Variants in CADM2 observed in about 807,000 individuals in gnomAD.
CADM2 encodes the protein cell adhesion molecule 2, also known as immunoglobulin superfamily member 4D.
A neutral mutation model predicts 49.8 loss-of-function variants in CADM2; 12 were observed. That is an observed-to-expected ratio of 0.24 (90% CI 0.15 to 0.39). CADM2 has a LOEUF of 0.39. CADM2 is among the 10% of genes least tolerant of loss of function. The pLI, the probability that CADM2 is intolerant of heterozygous loss-of-function variation, is 1.00. For synonymous variants in CADM2, 214 were observed against 175.4 expected (o/e 1.22, Z -1.74); for missense variants, 378 against 492.3 (o/e 0.77, Z 2.20).
At chr3:85,498,986 G>A (rs147744989) in intron 1 of CADM2, among the ~76,000 whole-genome samples, 63 of 152,204 alleles carry the variant, frequency 4.1e-4, no homozygotes, top group Non-Finnish European at 2.9e-4. Flanking sequence ...AAAACCTGAG[G>A]TGTTTTCATG....
chr3:86,046,702 C>T (rs965804026), intron 8 of CADM2, among the ~76,000 whole-genome samples: 1 of 152,098 alleles, frequency 6.6e-6, no homozygotes, highest in Non-Finnish European at 1.5e-5. Context: ...GACAATAGGA[C>T]TGGGCTGTGC....
intron 1 of CADM2, among the ~76,000 whole-genome samples, chr3:85,540,459 T>G (rs907509956): frequency 2.6e-5 from 4 of 152,114 alleles, no homozygotes; most frequent in Non-Finnish European, 4.4e-5. Context: ...TAAAACATAT[T>G]GACTATAAAA....
chr3:86,025,654 G>A (rs977775509), intron 8 of CADM2, among the ~76,000 whole-genome samples: 2 of 151,894 alleles, frequency 1.3e-5, no homozygotes, highest in African/African-American at 4.8e-5. Flanking sequence ...ATTAGGAGAA[G>A]GTAGGCAGAT....
intron 8 of CADM2, chr3:86,012,430 C>T: frequency 2.4e-6 from 1 of 424,684 alleles, no homozygotes; most frequent in Non-Finnish European, 4.1e-6. Context: ...TTCTCGCCCG[C>T]CCGCCCCTCG....
chr3:85,359,666 A>ATATATAGATATATATATATATATTTTT, intron 1 of CADM2, among the ~76,000 whole-genome samples: 1 of 26,544 alleles, frequency 3.8e-5, no homozygotes, highest in Non-Finnish European at 8.1e-5. Flanking sequence ...ATATATATAT[A>ATATATAGATATATATATATATATTTTT]TTTTTTTTTT....
chr3:85,269,080 A>C (rs1340431519), intron 1 of CADM2, among the ~76,000 whole-genome samples: 1 of 151,448 alleles, frequency 6.6e-6, no homozygotes, highest in Non-Finnish European at 1.5e-5. Context: ...TGTTGCTTTG[A>C]TTAGAAATTA....
At chr3:85,174,701 C>A (rs1226201915) in intron 1 of CADM2, among the ~76,000 whole-genome samples, 6 of 152,028 alleles carry the variant, frequency 3.9e-5, no homozygotes, top group Admixed American at 3.3e-4. Context: ...CTCTTTCAAG[C>A]TTGCTAAATT....
intron 3 of CADM2, among the ~76,000 whole-genome samples, chr3:85,803,522 T>C (rs939560802): frequency 1.3e-4 from 19 of 151,886 alleles, no homozygotes; most frequent in African/African-American, 3.6e-4. Flanking sequence ...GATAGATAGA[T>C]AGATAGATAG....
chr3:85,084,163 T>G (rs2107507306), intron 1 of CADM2, among the ~76,000 whole-genome samples: 1 of 152,324 alleles, frequency 6.6e-6, no homozygotes. Flanking sequence ...TAGTTGTAAG[T>G]CAATGCTAAT....
chr3:85,439,646 A>T (rs2037103545), intron 1 of CADM2, among the ~76,000 whole-genome samples: 1 of 152,084 alleles, frequency 6.6e-6, no homozygotes, highest in Non-Finnish European at 1.5e-5. Flanking sequence ...CAGTTAACTC[A>T]ATCAACAGTT....
chr3:85,114,182 G>T (rs2038560148), intron 1 of CADM2, among the ~76,000 whole-genome samples: 1 of 151,966 alleles, frequency 6.6e-6, no homozygotes, highest in African/African-American at 2.4e-5. Flanking sequence ...TAGCTCACTG[G>T]GAATAGGTGT....
At chr3:85,340,790 TA>T (rs1226102893) in intron 1 of CADM2, among the ~76,000 whole-genome samples, 3 of 151,488 alleles carry the variant, frequency 2.0e-5, no homozygotes, top group African/African-American at 7.3e-5. Context: ...AATTTTTTTT[TA>T]AAATAAATCT....
chr3:85,499,870 A>G (rs7618429), intron 1 of CADM2, among the ~76,000 whole-genome samples: 78,250 of 152,002 alleles, frequency 0.51, 23,123 homozygotes, highest in East Asian at 0.85. Context: ...CAAAATAGAC[A>G]TCACATGAAT....
chr3:85,359,077 C>T (rs187987232), intron 1 of CADM2, among the ~76,000 whole-genome samples: 1 of 152,126 alleles, frequency 6.6e-6, no homozygotes, highest in East Asian at 1.9e-4. Context: ...CTTTTACAGC[C>T]TCATTACACT....
chr3:85,392,206 C>T (rs967164040), intron 1 of CADM2, among the ~76,000 whole-genome samples: 1 of 152,092 alleles, frequency 6.6e-6, no homozygotes, highest in East Asian at 1.9e-4. Flanking sequence ...TGCCTTGCTA[C>T]ATCTCAATAT....
At chr3:85,294,173 T>G (rs920223530) in intron 1 of CADM2, among the ~76,000 whole-genome samples, 17 of 151,956 alleles carry the variant, frequency 1.1e-4, no homozygotes, top group African/African-American at 4.1e-4. Flanking sequence ...AAATCATGAG[T>G]GAAATCCCAT....
intron 1 of CADM2, among the ~76,000 whole-genome samples, chr3:85,406,272 A>G (rs1247428696): frequency 6.6e-6 from 1 of 152,158 alleles, no homozygotes; most frequent in Non-Finnish European, 1.5e-5. Flanking sequence ...AGATAATACC[A>G]GGAATTCGTT....
At chr3:85,733,410 A>G (rs1035520725) in intron 2 of CADM2, among the ~76,000 whole-genome samples, 2 of 152,188 alleles carry the variant, frequency 1.3e-5, no homozygotes, top group African/African-American at 4.8e-5. Flanking sequence ...CTCACTGTAT[A>G]GGGATATTGA....
At chr3:85,522,755 G>A (rs544134029) in intron 1 of CADM2, among the ~76,000 whole-genome samples, 1 of 151,948 alleles carries the variant, frequency 6.6e-6, no homozygotes, top group Non-Finnish European at 1.5e-5. Context: ...AAATAGGAAG[G>A]GAGAAAGTAT....
Sources: allele counts gnomAD v4.1 joint callset (sites outside exome capture counted in the v4.1 genomes callset), GRCh38; gene constraint gnomAD v4.1.1; transcripts MANE v1.5; gene names NCBI Gene and HGNC (gene_info 2026-07-23, HGNC 2026-07-21).